DEFB114: variants seen among roughly 807,000 people sequenced by gnomAD.
The protein encoded by DEFB114 is defensin beta 114.
Under a neutral mutation model 2.4 loss-of-function variants are expected in DEFB114, and 4 were observed. The observed-to-expected ratio is 1.67, with a 90% CI of 0.82 to 3.82. DEFB114 has a LOEUF of 3.82. DEFB114 is among the 30% of genes most tolerant of loss of function. The pLI is 0.01. For missense variants in DEFB114, 113 were observed against 85.8 expected, an observed-to-expected ratio of 1.32 and a Z score of -1.25; for synonymous variants, 35 against 24.6, an observed-to-expected ratio of 1.42 and a Z score of -1.26.
In DEFB114 at chr6:49,964,044, A is replaced by G; in HGVS notation, c.55+7T>C. ...TTACACAAATATAACAGAGACATCTATCTTACCTGGTAGAATGAAGGTCAC... is the reference window on the plus strand; with the variant it reads ...TTACACAAATATAACAGAGACATCTGTCTTACCTGGTAGAATGAAGGTCAC... On this transcript the variant is annotated splice_region_variant and intron_variant, in intron 1 of 1. Transcript: ENST00000322066. The G allele has an allele frequency of 6.4e-7, 1 of 1,569,104 alleles. No homozygotes were observed.
At chr6:49,963,067 C>A (rs957748786) in intron 1 of DEFB114, among the ~76,000 whole-genome samples, 1 of 150,150 alleles carries the variant, frequency 6.7e-6, no homozygotes, top group Non-Finnish European at 1.5e-5. Context: ...CTGTTGAATT[C>A]TAAACATTTA....
intron 1 of DEFB114, among the ~76,000 whole-genome samples, chr6:49,963,102 A>G (rs971420411): frequency 6.7e-6 from 1 of 150,258 alleles, no homozygotes; most frequent in African/African-American, 2.4e-5. Context: ...CCAATTATAC[A>G]CAAACTTTTC....
rs1773435132 is a variant in DEFB114, at chr6:49,960,308, T to C, written c.194A>G (p.Glu65Gly). The C allele has an allele frequency of 6.2e-7, 1 of 1,605,376 alleles. No homozygotes were observed. Among genetic ancestry groups the C allele is most frequent in the Admixed American group, 1.7e-5 (1 of 59,154 alleles). Residue 65 changes from glutamate to glycine, a missense_variant, in exon 2 of 2, where the codon GAA becomes GGA. Coordinates refer to ENST00000322066, the MANE Select transcript of DEFB114 (RefSeq NM_001037499.2). ...KICCTEKLYE[E>G]DDMF ...CCTTTCTTTTCAAAACATATCATCTTCTTCATACAATTTCTCAGTGCAGCA... is the reference window on the plus strand; with the variant it reads ...CCTTTCTTTTCAAAACATATCATCTCCTTCATACAATTTCTCAGTGCAGCA...
chr6:49,962,159 A>G (rs1440316750), intron 1 of DEFB114, among the ~76,000 whole-genome samples: 1 of 150,606 alleles, frequency 6.6e-6, no homozygotes, highest in Non-Finnish European at 1.5e-5. Flanking sequence ...ACATTAATAG[A>G]TAATGCCAAA....
chr6:49,961,727 C>T (rs1561977101), intron 1 of DEFB114, among the ~76,000 whole-genome samples: 1 of 150,726 alleles, frequency 6.6e-6, no homozygotes, highest in Non-Finnish European at 1.5e-5. Flanking sequence ...AAACACTACC[C>T]AAGTCAAGAA....
intron 1 of DEFB114, among the ~76,000 whole-genome samples, chr6:49,962,643 G>C (rs1305800738): frequency 6.7e-6 from 1 of 150,206 alleles, no homozygotes; most frequent in Non-Finnish European, 1.5e-5. Context: ...CTACTTGTAT[G>C]TTAAAATTGT....
intron 1 of DEFB114, among the ~76,000 whole-genome samples, chr6:49,961,772 A>G (rs1320809006): frequency 6.6e-6 from 1 of 150,686 alleles, no homozygotes. Context: ...GCCCCCTTAC[A>G]GTTACTATTC....
At chr6:49,962,195 C>T (rs1216906215) in intron 1 of DEFB114, among the ~76,000 whole-genome samples, 1 of 150,398 alleles carries the variant, frequency 6.6e-6, no homozygotes, top group Non-Finnish European at 1.5e-5. Flanking sequence ...TTGGTGCTAA[C>T]TTAAACTTCC....
chr6:49,960,413 G>T lies in DEFB114; in HGVS notation c.89C>A (p.Thr30Asn). The change falls in exon 2 of 2, where the codon ACC (threonine) becomes AAC (asparagine). Residue 30 changes from threonine to asparagine, a missense_variant. Transcript: ENST00000322066. ...TCTTTTACAACGACCGTAACGTTTG[G>T]TGCAACGATCAGCATTCACCAAGGT... ...TCTLVNADRC[T>N]KRYGRCKRDC... is the part of the protein sequence containing the mutation. 1 of 1,605,584 alleles carries T rather than the reference G, an allele frequency of 6.2e-7. No homozygotes were observed. Among genetic ancestry groups the T allele is most frequent in the South Asian group, 1.1e-5 (1 of 90,508 alleles).
At chr6:49,962,755 C>T (rs1773483281) in intron 1 of DEFB114, among the ~76,000 whole-genome samples, 1 of 150,208 alleles carries the variant, frequency 6.7e-6, no homozygotes, top group South Asian at 2.1e-4. Context: ...TGGTAAGAGG[C>T]AATAGTCAAG....
Position 49,960,357 on chromosome 6 carries a change from T to C in DEFB114, c.145A>G (p.Ile49Val), listed in dbSNP as rs369941150. 22 of 1,608,492 alleles carry C rather than the reference T, an allele frequency of 1.4e-5. No homozygotes were observed. The highest frequency in any genetic ancestry group is 2.2e-5 in the South Asian group (2 of 90,812). ...DCLESEKQID[I>V]CSLPRKICCT... is the part of the protein sequence containing the mutation. Reference sequence around the variant, plus strand: ...CAAATTTTTCTTGGTAAGGAACATATGTCTATTTGCTTTTCACTCTCAAGA... The same window carrying C: ...CAAATTTTTCTTGGTAAGGAACATACGTCTATTTGCTTTTCACTCTCAAGA... Residue 49 changes from isoleucine (I) to valine (V), a missense_variant, in exon 2 of 2, where the codon ATA (isoleucine) becomes GTA (valine). Transcript: ENST00000322066.
intron 1 of DEFB114, among the ~76,000 whole-genome samples, chr6:49,960,663 G>A (rs940470143): frequency 6.7e-6 from 1 of 150,214 alleles, no homozygotes; most frequent in Non-Finnish European, 1.5e-5. Flanking sequence ...ATTAAAACTT[G>A]TTTTAAAATT....
In DEFB114 at chr6:49,960,393, T is replaced by C. The variant is rs1305183965; in HGVS notation, c.109A>G (p.Lys37Glu). ...TTTTCACTCTCAAGACAGTCTCTTT[T>C]ACAACGACCGTAACGTTTGGTGCAA... ...DRCTKRYGRC[K>E]RDCLESEKQI... The change falls in exon 2 of 2, where the codon AAA (lysine) becomes GAA (glutamate). Residue 37 changes from lysine to glutamate, a missense_variant. Lys to Glu is a moderately conservative substitution (Grantham distance 56). Transcript: ENST00000322066. The C allele has an allele frequency of 8.7e-6, 14 of 1,608,372 alleles. No homozygotes were observed. Among genetic ancestry groups the C allele is most frequent in the Non-Finnish European group, 1.1e-5 (13 of 1,176,672 alleles).
Position 49,960,448 on chromosome 6 carries a change from T to TAC in DEFB114, c.56-4_56-3dup, listed in dbSNP as rs758682197. 318 of 1,581,762 alleles carry TAC rather than the reference T, an allele frequency of 2.0e-4. No individual in the cohort carries two copies. Among genetic ancestry groups the TAC allele is most frequent in the Non-Finnish European group, 2.6e-4 (300 of 1,168,152 alleles). On this transcript the variant is annotated splice_polypyrimidine_tract_variant and splice_region_variant and intron_variant, in intron 1 of 1. Transcript: ENST00000322066. ...CAGCATTCACCAAGGTACATGTGGC[T>TAC]ACGGTAAAAGAAGAGTAACAGAAAT...
At chr6:49,960,761 T>C (rs1773445230) in intron 1 of DEFB114, among the ~76,000 whole-genome samples, 1 of 150,834 alleles carries the variant, frequency 6.6e-6, no homozygotes, top group African/African-American at 2.4e-5. Flanking sequence ...GTGCATAATC[T>C]TTCAGCTGTT....
At chr6:49,960,886 T>C (rs1257132956) in intron 1 of DEFB114, among the ~76,000 whole-genome samples, 1 of 150,874 alleles carries the variant, frequency 6.6e-6, no homozygotes, top group South Asian at 2.1e-4. Flanking sequence ...AAAAGTTTAA[T>C]TTTAGAGTTT....
chr6:49,960,313 A>G lies in DEFB114; in HGVS notation c.189T>C (p.Tyr63=). Reference sequence around the variant, plus strand: ...CTTTTCAAAACATATCATCTTCTTCATACAATTTCTCAGTGCAGCAAATTT... The same window carrying G: ...CTTTTCAAAACATATCATCTTCTTCGTACAATTTCTCAGTGCAGCAAATTT... The part of the protein sequence containing the change: ...PRKICCTEKL[Y]EEDDMF The change falls in exon 2 of 2, where the codon TAT becomes TAC. Residue 63 remains tyrosine (Y), a synonymous_variant. Coordinates refer to ENST00000322066, the MANE Select transcript of DEFB114 (RefSeq NM_001037499.2). 2 of 1,605,484 alleles carry G rather than the reference A, an allele frequency of 1.2e-6. No individual in the cohort carries two copies. The highest frequency in any genetic ancestry group is 1.7e-6 in the Non-Finnish European group (2 of 1,175,224).
At chr6:49,960,745 G>A (rs1382003972) in intron 1 of DEFB114, among the ~76,000 whole-genome samples, 2 of 150,598 alleles carry the variant, frequency 1.3e-5, no homozygotes, top group African/African-American at 2.4e-5. Context: ...AGAGCTACAC[G>A]ACAATGTGCA....
In DEFB114 at chr6:49,964,076, C is replaced by T; in HGVS notation, c.30G>A (p.Leu10=). 6.3e-7 allele frequency: 1 copy of T among 1,586,948 alleles called. No homozygotes were observed. The highest frequency in any genetic ancestry group is 1.1e-5 in the South Asian group (1 of 87,472). MRIFYYLHF[L]CYVTFILPAT... is the part of the protein sequence containing the mutation. ...CTGGTAGAATGAAGGTCACATAACA[C>T]AGAAAATGGAGATAGTAAAAGATCC... Residue 10 remains leucine, a synonymous_variant, in exon 1 of 2, where the codon CTG becomes CTA. Coordinates refer to ENST00000322066, the MANE Select transcript of DEFB114 (RefSeq NM_001037499.2).
Sources: allele counts gnomAD v4.1 joint callset (sites outside exome capture counted in the v4.1 genomes callset), GRCh38; gene constraint gnomAD v4.1.1; transcripts MANE v1.5; gene names NCBI Gene and HGNC (gene_info 2026-07-23, HGNC 2026-07-21).